TDRD12: variants seen among roughly 807,000 people sequenced by gnomAD.
The protein encoded by TDRD12 is putative ATP-dependent RNA helicase TDRD12.
A neutral mutation model predicts 133.5 loss-of-function variants in TDRD12; 158 were observed. The observed-to-expected ratio is 1.18, with a 90% CI of 1.04 to 1.35. The LOEUF (loss-of-function observed/expected upper bound fraction) is 1.35, where lower values mean the gene tolerates loss of function less well. Ranked by LOEUF, TDRD12 falls within the 40% of genes most tolerant of loss-of-function variation. TDRD12 has a pLI of 0.00. For missense variants in TDRD12, 1,443 were observed against 1,321.3 expected (o/e 1.09, Z -1.43); for synonymous variants, 460 against 477.9 (o/e 0.96, Z 0.49).
chr19:32,793,979 A>G (rs1228093212), intron 13 of TDRD12, among the ~76,000 whole-genome samples: 1 of 122,184 alleles, frequency 8.2e-6, no homozygotes, highest in Non-Finnish European at 1.7e-5. Flanking sequence ...TTTTTAGTAG[A>G]GACGGGGTTT....
At chr19:32,829,402 A>AT (rs1308914251), downstream of TDRD12, 2 of 152,240 alleles carry the variant, frequency 1.3e-5, no homozygotes, top group African/African-American at 4.8e-5. Flanking sequence ...TATGTGAACA[A>AT]TTAGTCATTG....
intron 8 of TDRD12, among the ~76,000 whole-genome samples, chr19:32,761,155 C>T (rs573560451): frequency 6.6e-6 from 1 of 152,342 alleles, no homozygotes; most frequent in Admixed American, 6.5e-5. Flanking sequence ...CTCACTCTGT[C>T]TCCCAGGCTG....
chr19:32,757,060 G>A lies in TDRD12; in HGVS notation c.795G>A (p.Pro265=), dbSNP rs748318198. The change falls in exon 8 of 28, where the codon CCG becomes CCA. Residue 265 remains proline (P), a synonymous_variant. Coordinates refer to ENST00000444215, the Ensembl canonical transcript of TDRD12. ...CAGATTCACATGGTGTAAATTTTCC[G>A]GCACAATCTCTGCAACATACATGGT... 36 of 1,551,362 alleles carry A rather than the reference G, an allele frequency of 2.3e-5. 1 individual carries two copies. In the South Asian group the frequency reaches 3.6e-4, roughly 15 times the overall value.
rs77907827 is a variant in TDRD12 at position 32,803,275 on chromosome 19, C to T, written c.2552+133C>T. The T allele has an allele frequency of 3.3e-3, 2,168 of 650,866 alleles. 34 individuals are homozygous for T. In the African/African-American group the frequency reaches 0.036, roughly 11 times the overall value. The allele number at this position is 650,866 out of a possible 1,614,324, so 40.3% of individuals were successfully genotyped here. ...TGAGGGAGCAGTCTGGGGGTTCCCT[C>T]GCACTCTTCCCCACGTGCCCTCCCC... On this transcript the variant is annotated intron_variant, in intron 21 of 27. Coordinates refer to ENST00000444215, the Ensembl canonical transcript of TDRD12.
intron 1 of TDRD12, among the ~76,000 whole-genome samples, chr19:32,729,208 CT>C (rs1214707080): frequency 3.0e-4 from 40 of 132,166 alleles, no homozygotes; most frequent in East Asian, 4.4e-4. Flanking sequence ...TTTTCTTTTT[CT>C]TTTTTTTTTT....
intron 8 of TDRD12, among the ~76,000 whole-genome samples, chr19:32,759,626 CAATAA>C (rs993231068): frequency 2.6e-5 from 4 of 152,094 alleles, no homozygotes; most frequent in African/African-American, 9.7e-5. Context: ...AAAATAAACA[CAATAA>C]AATAAAATAT....
At position 32,753,482 on chromosome 19, in the gene TDRD12, C is replaced by T. The variant is rs557143208; in HGVS notation, c.583-2510C>T. On this transcript the variant is annotated intron_variant, in intron 6 of 27. Coordinates refer to ENST00000444215, the Ensembl canonical transcript of TDRD12. ...CCTCTCAAGTAGTTGGGACTATAAG[C>T]GCATACCACCATGCCTGGCCTCTTA... 5.3e-5 allele frequency among the ~76,000 whole-genome samples: 8 copies of T among 151,928 alleles called. No homozygotes were observed. The South Asian group carries it at 1.5e-3, about 28-fold the overall frequency.
intron 5 of TDRD12, 29 bp downstream of exon 5, chr19:32,748,560 G>C (rs942069495): frequency 1.3e-6 from 2 of 1,540,162 alleles, no homozygotes; most frequent in African/African-American, 2.7e-5. Flanking sequence ...ACTGCAGCCT[G>C]CCTGGAAGTG....
chr19:32,785,546 T>C (rs1023826817), intron 11 of TDRD12, among the ~76,000 whole-genome samples: 1 of 152,186 alleles, frequency 6.6e-6, no homozygotes, highest in African/African-American at 2.4e-5. Context: ...ATCTGTCTAA[T>C]ATAGACAGTG....
At chr19:32,776,370 C>CTGCTGT (rs1970585169) in intron 10 of TDRD12, among the ~76,000 whole-genome samples, 2 of 152,244 alleles carry the variant, frequency 1.3e-5, no homozygotes, top group Admixed American at 6.5e-5. Context: ...GGTCACCACA[C>CTGCTGT]TGCTGTTGCT....
At chr19:32,802,959 C>T (rs1343786192) in exon 21 of TDRD12, 6 of 1,535,872 alleles carry the variant, frequency 3.9e-6, no homozygotes, top group Non-Finnish European at 5.2e-6. Flanking sequence ...AAAGCCAAAT[C>T]TGTCTTGCTG....
exon 14 of TDRD12, chr19:32,794,705 T>A: frequency 1.4e-6 from 1 of 703,220 alleles, no homozygotes; most frequent in African/African-American, 1.7e-5. Context: ...GTGGCTGTGA[T>A]GTGGTTGTCA....
Position 32,755,851 on chromosome 19 carries a change from G to T in TDRD12, c.583-141G>T, listed in dbSNP as rs1383800959. ...AAGTATTTGGTTTACCAGAGCAGGA[G>T]TCAAATCTGTTTCTCTCAGATTATG... On this transcript the variant is annotated intron_variant, in intron 6 of 27. Coordinates refer to ENST00000444215, the Ensembl canonical transcript of TDRD12. 4.9e-6 allele frequency: 3 copies of T among 613,370 alleles called. No homozygotes were observed. The African/African-American group carries it at 5.9e-5, about 12-fold the overall frequency. 38.0% of individuals were successfully genotyped at this position (613,370 alleles called of 1,614,324 possible).
chr19:32,753,076 G>A (rs971550279), intron 6 of TDRD12, among the ~76,000 whole-genome samples: 7 of 152,038 alleles, frequency 4.6e-5, no homozygotes, highest in African/African-American at 1.7e-4. Flanking sequence ...ACAGGCGTGA[G>A]CCACCGCGCC....
At chr19:32,747,286 C>T (rs777035888) in intron 4 of TDRD12, among the ~76,000 whole-genome samples, 1 of 152,116 alleles carries the variant, frequency 6.6e-6, no homozygotes, top group Non-Finnish European at 1.5e-5. Context: ...TTAGGTAATT[C>T]TTTGTGTGTA....
At chr19:32,764,013 G>A (rs895194429) in intron 8 of TDRD12, among the ~76,000 whole-genome samples, 4 of 151,468 alleles carry the variant, frequency 2.6e-5, no homozygotes, top group Admixed American at 1.3e-4. Flanking sequence ...TGCTCGACTG[G>A]AAACTGGAAA....
chr19:32,742,159 C>CTT (rs10692209), intron 3 of TDRD12, among the ~76,000 whole-genome samples: 36,366 of 144,180 alleles, frequency 0.25, 4,831 homozygotes, highest in Middle Eastern at 0.32. Flanking sequence ...CCTTATTAGA[C>CTT]TTTTTTTTTT....
At chr19:32,732,609 G>T (rs1969093487) in intron 2 of TDRD12, among the ~76,000 whole-genome samples, 1 of 152,200 alleles carries the variant, frequency 6.6e-6, no homozygotes, top group Non-Finnish European at 1.5e-5. Flanking sequence ...CCTTCTTGCA[G>T]ACTCAGCTCT....
chr19:32,803,028 A>G, exon 21 of TDRD12: 1 of 1,536,042 alleles, frequency 6.5e-7, no homozygotes, highest in Middle Eastern at 1.7e-4. Context: ...GAGCGAGCGG[A>G]CGCCAAGGTC....
Sources: allele counts gnomAD v4.1 joint callset (sites outside exome capture counted in the v4.1 genomes callset), GRCh38; gene constraint gnomAD v4.1.1; transcripts MANE v1.5; gene names NCBI Gene and HGNC (gene_info 2026-07-23, HGNC 2026-07-21).